Variants in CD109 observed in about 807,000 individuals in gnomAD.
The protein encoded by CD109 is CD109 molecule.
A neutral mutation model predicts 165.8 loss-of-function variants in CD109; 149 were observed. The observed-to-expected ratio is 0.90, with a 90% CI of 0.79 to 1.03. The LOEUF is 1.03. Among genes scored for constraint, CD109 ranks in the 50% least tolerant of loss-of-function variants. The pLI, the probability that CD109 is intolerant of heterozygous loss-of-function variation, is 0.00. For synonymous variants in CD109, 585 were observed against 592.1 expected, an observed-to-expected ratio of 0.99 and a Z score of 0.18; for missense variants, 1,712 against 1,677.8, an observed-to-expected ratio of 1.02 and a Z score of -0.36.
intron 23 of CD109, among the ~76,000 whole-genome samples, chr6:73,796,616 T>C (rs1218759153): frequency 6.6e-6 from 1 of 152,200 alleles, no homozygotes; most frequent in Non-Finnish European, 1.5e-5. Context: ...TGTATAGCTA[T>C]GTGGGCATCT....
intron 2 of CD109, among the ~76,000 whole-genome samples, chr6:73,717,063 C>T (rs1771768941): frequency 6.6e-6 from 1 of 152,164 alleles, no homozygotes; most frequent in South Asian, 2.1e-4. Flanking sequence ...GTTCTTGGCA[C>T]CTTTGTCAAA....
chr6:73,711,509 T>C (rs1771536080), intron 2 of CD109, among the ~76,000 whole-genome samples: 1 of 152,210 alleles, frequency 6.6e-6, no homozygotes, highest in African/African-American at 2.4e-5. Flanking sequence ...AGCAGAAACA[T>C]TGTATTTTTA....
Position 73,787,351 on chromosome 6 carries a change from C to G in CD109, c.2455C>G (p.Leu819Val). Residue 819 changes from leucine to valine, a missense_variant, in exon 21 of 33, where the codon CTT becomes GTT. Transcript: ENST00000287097. Reference protein sequence around the residue: ...LVPSEDGATVLFPIRPTHLGE... With the variant: ...LVPSEDGATVVFPIRPTHLGE... ...TCCCAGTGAGGATGGGGCAACTGTT[C>G]TTTTTCCCATCAGGCCAACACATCT... The G allele has an allele frequency of 6.2e-7, 1 of 1,614,070 alleles. No individual in the cohort carries two copies. The highest frequency in any genetic ancestry group is 8.5e-7 in the Non-Finnish European group (1 of 1,179,930).
the CD109 span, among the ~76,000 whole-genome samples, chr6:73,688,760 T>TG: frequency 7.7e-6 from 1 of 130,658 alleles, no homozygotes; most frequent in African/African-American, 3.1e-5. Context: ...AGTTTTTCTT[T>TG]GTTTTTTTTT....
chr6:73,772,677 T>G (rs1774085720), intron 15 of CD109, among the ~76,000 whole-genome samples: 1 of 152,134 alleles, frequency 6.6e-6, no homozygotes, highest in Non-Finnish European at 1.5e-5. Context: ...TGATTTTTAT[T>G]TATATGTCCT....
At chr6:73,701,560 AAC>A (rs1771080700) in intron 2 of CD109, among the ~76,000 whole-genome samples, 1 of 152,090 alleles carries the variant, frequency 6.6e-6, no homozygotes, top group African/African-American at 2.4e-5. Flanking sequence ...ACATTTTGAG[AAC>A]TGTCCTCTCA....
intron 24 of CD109, chr6:73,804,133 A>G (rs1229077305): frequency 1.3e-5 from 2 of 152,290 alleles, no homozygotes; most frequent in African/African-American, 2.4e-5. Flanking sequence ...TCACATGGCT[A>G]TGCCTAACCT....
chr6:73,801,455 T>G (rs1478394891), intron 23 of CD109, among the ~76,000 whole-genome samples: 2 of 152,232 alleles, frequency 1.3e-5, no homozygotes, highest in African/African-American at 2.4e-5. Flanking sequence ...CTTCTTCAAA[T>G]TAAGCAAAGT....
At chr6:73,725,454 A>C (rs1451742680) in intron 3 of CD109, among the ~76,000 whole-genome samples, 3 of 150,204 alleles carry the variant, frequency 2.0e-5, no homozygotes, top group Admixed American at 2.0e-4. Flanking sequence ...TACTAGTATA[A>C]ACTGTACGTG....
At chr6:73,714,012 T>C (rs1771631758) in intron 2 of CD109, among the ~76,000 whole-genome samples, 2 of 152,060 alleles carry the variant, frequency 1.3e-5, no homozygotes, top group Admixed American at 1.3e-4. Flanking sequence ...CTTCCTCCAG[T>C]TATGGAGCTA....
chr6:73,819,846 T>G (rs1277713991), intron 31 of CD109, among the ~76,000 whole-genome samples: 2 of 152,254 alleles, frequency 1.3e-5, no homozygotes, highest in Non-Finnish European at 2.9e-5. Flanking sequence ...TTAATGGTTA[T>G]TTTAATTTGA....
At chr6:73,743,685 A>G (rs1271926991) in intron 5 of CD109, among the ~76,000 whole-genome samples, 1 of 152,160 alleles carries the variant, frequency 6.6e-6, no homozygotes, top group African/African-American at 2.4e-5. Flanking sequence ...AAAGCACTCT[A>G]CCAGGAGCAT....
chr6:73,692,236 T>C (rs1253817955), upstream of CD109, among the ~76,000 whole-genome samples: 2 of 152,002 alleles, frequency 1.3e-5, no homozygotes, highest in African/African-American at 2.4e-5. Context: ...TAAAGACAGC[T>C]CAGGAGGGAC....
At chr6:73,765,823 C>T in intron 10 of CD109, 107 bp from the exon 11 acceptor site, 1 of 762,552 alleles carries the variant, frequency 1.3e-6, no homozygotes, top group East Asian at 2.6e-5. Flanking sequence ...TATAGTGCTA[C>T]CAATAATTTT....
chr6:73,765,324 G>A (rs6901628), intron 10 of CD109, among the ~76,000 whole-genome samples: 37,983 of 150,892 alleles, frequency 0.25, 4,882 homozygotes, highest in East Asian at 0.31. Context: ...AGAAGCATAG[G>A]ACTTTGGTGT....
the CD109 span, among the ~76,000 whole-genome samples, chr6:73,688,984 G>A: frequency 8.6e-5 from 13 of 152,000 alleles, no homozygotes; most frequent in African/African-American, 3.1e-4. Context: ...TGCCCAGGCT[G>A]GTCTCGAACT....
intron 2 of CD109, among the ~76,000 whole-genome samples, chr6:73,712,792 G>T (rs935549038): frequency 2.0e-5 from 3 of 152,080 alleles, no homozygotes; most frequent in African/African-American, 7.2e-5. Flanking sequence ...CATCTGAAAG[G>T]GTTTTCAGAT....
chr6:73,766,456 G>T (rs1363343164), intron 11 of CD109, among the ~76,000 whole-genome samples: 1 of 151,120 alleles, frequency 6.6e-6, no homozygotes, highest in African/African-American at 2.4e-5. Flanking sequence ...TTTTATTTTG[G>T]CAGGAATTGA....
chr6:73,787,372 C>T lies in CD109; in HGVS notation c.2476C>T (p.His826Tyr), dbSNP rs1162677087. ...TGTTCTTTTTCCCATCAGGCCAACA[C>T]ATCTGGGAGAAATTCCTATCACAGT... ...ATVLFPIRPT[H>Y]LGEIPITVTA... Residue 826 changes from histidine (H) to tyrosine (Y), a missense_variant, in exon 21 of 33, where the codon CAT becomes TAT. Coordinates refer to ENST00000287097, the MANE Select transcript of CD109 (RefSeq NM_133493.5). 1.2e-6 allele frequency: 2 copies of T among 1,614,126 alleles called. No individual in the cohort carries two copies. The highest frequency in any genetic ancestry group is 1.7e-6 in the Non-Finnish European group (2 of 1,179,978).
Sources: gnomAD v4.1 joint callset for allele counts (sites outside exome capture counted in the v4.1 genomes callset) on GRCh38, gnomAD v4.1.1 for gene constraint, MANE v1.5 for transcripts, NCBI Gene and HGNC (gene_info 2026-07-23, HGNC 2026-07-21) for gene names.